MYO1E: variants seen among roughly 807,000 people sequenced by gnomAD.
MYO1E encodes myosin IE.
A neutral mutation model predicts 151.1 loss-of-function variants in MYO1E; 68 were observed. The ratio of observed to expected loss-of-function variants is 0.45; its 90% CI spans 0.37 to 0.55. The LOEUF (loss-of-function observed/expected upper bound fraction) is 0.55, where lower values mean the gene tolerates loss of function less well. Ranked by LOEUF, MYO1E falls within the 20% of genes least tolerant of loss-of-function variation. The probability of loss-of-function intolerance (pLI) is 0.00; values close to 1 mark genes in which losing one functional copy is unlikely to be tolerated. For missense variants in MYO1E, 1,363 were observed against 1,389.3 expected (o/e 0.98, Z 0.30); for synonymous variants, 601 against 501.7 (o/e 1.20, Z -2.64).
intron 4 of MYO1E, among the ~76,000 whole-genome samples, chr15:59,239,292 G>A (rs2080086107): frequency 6.7e-6 from 1 of 150,040 alleles, no homozygotes; most frequent in African/African-American, 2.4e-5. Context: ...GAAAAGGGAG[G>A]GATCACACCT....
At chr15:59,221,709 T>C (rs960349010) in intron 9 of MYO1E, among the ~76,000 whole-genome samples, 19 of 152,236 alleles carry the variant, frequency 1.2e-4, no homozygotes, top group African/African-American at 4.3e-4. Flanking sequence ...CTTACCCATC[T>C]GGCTGAGAAG....
chr15:59,165,408 AAAT>A (rs2079558219), intron 22 of MYO1E, among the ~76,000 whole-genome samples: 1 of 152,212 alleles, frequency 6.6e-6, no homozygotes, highest in Non-Finnish European at 1.5e-5. Context: ...TTTTTTGGAC[AAAT>A]AATAGCCATT....
Position 59,157,388 on chromosome 15 carries a change from A to C in MYO1E, c.2878+899T>G, listed in dbSNP as rs560602327. ...AGTCATTAAGCTGCTATAACTTACA[A>C]AATAGTAGCCCCCTCCCCTCCTTAT... On this transcript the variant is annotated intron_variant, in intron 25 of 27. Transcript: ENST00000288235. 3.9e-5 allele frequency among the ~76,000 whole-genome samples: 6 copies of C among 152,280 alleles called. No homozygotes were observed. In the South Asian group the frequency reaches 6.2e-4, roughly 16 times the overall value.
chr15:59,138,404 A>C (rs369565160), intron 26 of MYO1E, 37 bp from the exon 27 acceptor site: 5 of 1,610,842 alleles, frequency 3.1e-6, no homozygotes, highest in South Asian at 1.1e-5. Context: ...CTGGGCCCCA[A>C]CAGGGGGCAG....
chr15:59,228,614 A>T (rs1337595319), intron 6 of MYO1E, among the ~76,000 whole-genome samples: 2 of 152,060 alleles, frequency 1.3e-5, no homozygotes, highest in African/African-American at 2.4e-5. Context: ...GCACCCTCAG[A>T]GGCCAGAAGG....
At chr15:59,331,289 A>G (rs913021511) in intron 1 of MYO1E, among the ~76,000 whole-genome samples, 11 of 152,216 alleles carry the variant, frequency 7.2e-5, no homozygotes, top group Non-Finnish European at 1.5e-4. Flanking sequence ...AGGTGGACTC[A>G]CTATATTATG....
chr15:59,171,819 C>CAA, intron 22 of MYO1E, 78 bp downstream of exon 22: 1 of 1,594,956 alleles, frequency 6.3e-7, no homozygotes, highest in Non-Finnish European at 8.6e-7. Flanking sequence ...CCCGGCCTTC[C>CAA]TCCTGGCTGT....
chr15:59,163,220 C>G lies in MYO1E; in HGVS notation c.2564G>C (p.Ser855Thr). 6.2e-7 allele frequency: 1 copy of G among 1,614,104 alleles called. No homozygotes were observed. The highest frequency in any genetic ancestry group is 8.5e-7 in the Non-Finnish European group (1 of 1,179,958). ...CTCCTCGTAACGCTTTGCTAAGAGG[C>G]TTAGGAATTCAGTTTTGAAGACAGA... ...LESVFKTEFL[S>T]LLAKRYEEKT... is the part of the protein sequence containing the mutation. Residue 855 changes from serine to threonine, a missense_variant, in exon 23 of 28, where the codon AGC (serine) becomes ACC (threonine). Ser to Thr is a moderately conservative substitution (Grantham distance 58, BLOSUM62 1). Transcript: ENST00000288235.
At chr15:59,201,285 G>C (rs968084998) in intron 16 of MYO1E, among the ~76,000 whole-genome samples, 4 of 151,568 alleles carry the variant, frequency 2.6e-5, no homozygotes, top group Non-Finnish European at 4.4e-5. Flanking sequence ...TAGAGATGGG[G>C]TTCTCATTAT....
At chr15:59,264,997 C>G (rs1344998784) in intron 2 of MYO1E, 1 of 152,366 alleles carries the variant, frequency 6.6e-6, no homozygotes, top group South Asian at 2.1e-4. Context: ...GCCTGGGCAA[C>G]AGAGCCAGAC....
intron 1 of MYO1E, among the ~76,000 whole-genome samples, chr15:59,307,082 A>G (rs763789822): frequency 9.2e-5 from 14 of 152,212 alleles, no homozygotes; most frequent in Non-Finnish European, 1.8e-4. Context: ...AAAATGAAGG[A>G]GAGCACCAAA....
At chr15:59,179,203 C>T (rs1235356738) in intron 18 of MYO1E, among the ~76,000 whole-genome samples, 1 of 152,142 alleles carries the variant, frequency 6.6e-6, no homozygotes, top group African/African-American at 2.4e-5. Context: ...TCGGCTGGCT[C>T]CCGCTTGGGT....
chr15:59,274,722 A>T (rs1324271533), intron 1 of MYO1E, among the ~76,000 whole-genome samples: 1 of 152,158 alleles, frequency 6.6e-6, no homozygotes. Context: ...TCAGTATCAA[A>T]CCCATTGGTC....
chr15:59,307,686 C>T (rs111969741), intron 1 of MYO1E, among the ~76,000 whole-genome samples: 6 of 152,172 alleles, frequency 3.9e-5, no homozygotes, highest in African/African-American at 1.2e-4. Context: ...TCTTGGCTCA[C>T]GGCAACCTCT....
intron 2 of MYO1E, among the ~76,000 whole-genome samples, chr15:59,263,909 T>C (rs930053696): frequency 6.6e-5 from 10 of 152,082 alleles, no homozygotes; most frequent in Non-Finnish European, 1.0e-4. Context: ...CACATACATG[T>C]ACTGTTAAAA....
At chr15:59,199,960 T>C (rs1267991108) in intron 16 of MYO1E, among the ~76,000 whole-genome samples, 1 of 152,102 alleles carries the variant, frequency 6.6e-6, no homozygotes, top group African/African-American at 2.4e-5. Flanking sequence ...ACCAAGGAGA[T>C]TGTGCCTGGA....
intron 1 of MYO1E, among the ~76,000 whole-genome samples, chr15:59,365,018 C>T (rs994043424): frequency 6.0e-5 from 9 of 151,156 alleles, no homozygotes; most frequent in Admixed American, 4.6e-4. Context: ...GTGAATTATT[C>T]TAAATTTCTT....
At chr15:59,317,359 G>T (rs2080595710) in intron 1 of MYO1E, among the ~76,000 whole-genome samples, 1 of 152,188 alleles carries the variant, frequency 6.6e-6, no homozygotes, top group South Asian at 2.1e-4. Context: ...GGTGCCAAAA[G>T]CTGGTAACTA....
chr15:59,245,272 C>T (rs1479140808), intron 4 of MYO1E, among the ~76,000 whole-genome samples: 5 of 152,156 alleles, frequency 3.3e-5, no homozygotes, highest in African/African-American at 1.2e-4. Context: ...CACGAGAGAC[C>T]CACGAGCCAA....
Sources: gnomAD v4.1 joint callset for allele counts (sites outside exome capture counted in the v4.1 genomes callset) on GRCh38, gnomAD v4.1.1 for gene constraint, MANE v1.5 for transcripts, NCBI Gene and HGNC (gene_info 2026-07-23, HGNC 2026-07-21) for gene names.